The following BRPF3 variants were observed in gnomAD, a reference collection of about 807,000 sequenced individuals.
BRPF3 encodes bromodomain and PHD finger containing 3, also known as bromodomain and PHD finger-containing protein 3.
BRPF3 carries 18 observed loss-of-function variants against 102.0 expected under a neutral mutation model. The observed-to-expected ratio is 0.18, with a 90% CI of 0.12 to 0.26. BRPF3 has a LOEUF of 0.26. Ranked by LOEUF, BRPF3 falls within the 10% of genes least tolerant of loss-of-function variation. The pLI, the probability that BRPF3 is intolerant of heterozygous loss-of-function variation, is 1.00. For synonymous variants in BRPF3, 570 were observed against 614.2 expected (o/e 0.93, Z 1.06); for missense variants, 1,147 against 1,567.8 (o/e 0.73, Z 4.53).
At chr6:36,227,961 C>T (rs192705595) in intron 11 of BRPF3, among the ~76,000 whole-genome samples, 38 of 152,338 alleles carry the variant, frequency 2.5e-4, no homozygotes, top group African/African-American at 8.4e-4. Context: ...TGCTCTGTCT[C>T]TGGAGAAGGC....
chr6:36,202,531 A>T (rs769459846), intron 2 of BRPF3, among the ~76,000 whole-genome samples: 1 of 151,198 alleles, frequency 6.6e-6, no homozygotes, highest in Non-Finnish European at 1.5e-5. Flanking sequence ...AGCAAGAGAT[A>T]GGGAAGATTT....
chr6:36,226,370 A>G (rs1768739894), intron 11 of BRPF3, among the ~76,000 whole-genome samples: 1 of 152,010 alleles, frequency 6.6e-6, no homozygotes, highest in Non-Finnish European at 1.5e-5. Context: ...TTATTTCTGA[A>G]CTCTTTCTCA....
At chr6:36,202,414 C>G (rs538578522) in intron 2 of BRPF3, among the ~76,000 whole-genome samples, 101 of 140,756 alleles carry the variant, frequency 7.2e-4, no homozygotes, top group African/African-American at 2.2e-3. Flanking sequence ...CTGTGGACCC[C>G]CCCCCCCTCC....
Position 36,214,010 on chromosome 6 carries a change from C to T in BRPF3, c.2613C>T (p.Phe871=), listed in dbSNP as rs138252904. 3.1e-6 allele frequency: 5 copies of T among 1,614,044 alleles called. No homozygotes were observed. The African/African-American group carries it at 5.3e-5, about 17-fold the overall frequency. Residue 871 remains phenylalanine, a synonymous_variant, in exon 8 of 13, where the codon TTC becomes TTT. Transcript: ENST00000357641. The part of the protein sequence containing the change: ...PINDSKPPSR[F]LKPRKVEEDE... The stretch of plus-strand genomic sequence containing the variant: ...ATGATAGCAAACCTCCAAGCAGGTT[C>T]CTAAAGCCCAGAAAGGTGGAAGAAG...
intron 3 of BRPF3, among the ~76,000 whole-genome samples, chr6:36,205,619 T>G (rs545844654): frequency 1.3e-5 from 2 of 152,084 alleles, no homozygotes; most frequent in African/African-American, 4.8e-5. Flanking sequence ...TGGGCTGCAT[T>G]TGACACCACA....
intron 9 of BRPF3, among the ~76,000 whole-genome samples, chr6:36,219,612 G>A (rs552193495): frequency 7.0e-4 from 106 of 152,316 alleles, no homozygotes; most frequent in African/African-American, 2.3e-3. Flanking sequence ...TTCAGGTGGC[G>A]TGTTTGCCTT....
At chr6:36,216,545 T>C (rs1359517036) in intron 8 of BRPF3, among the ~76,000 whole-genome samples, 3 of 152,186 alleles carry the variant, frequency 2.0e-5, no homozygotes, top group East Asian at 1.9e-4. Flanking sequence ...GTGATTTAAA[T>C]TGTGGTCATA....
chr6:36,214,630 G>A (rs1384080265), intron 8 of BRPF3, among the ~76,000 whole-genome samples: 1 of 152,162 alleles, frequency 6.6e-6, no homozygotes, highest in African/African-American at 2.4e-5. Flanking sequence ...TGAGGGTAAT[G>A]CAATGTTGTA....
At chr6:36,228,759 G>A (rs1316869619) in intron 11 of BRPF3, 143 bp from the exon 12 acceptor site, 1 of 927,006 alleles carries the variant, frequency 1.1e-6, no homozygotes, top group Non-Finnish European at 1.6e-6. Context: ...GAAGGGGTTT[G>A]CCTGTCTGGT....
At chr6:36,227,038 C>CT (rs1412619212) in intron 11 of BRPF3, among the ~76,000 whole-genome samples, 1 of 152,214 alleles carries the variant, frequency 6.6e-6, no homozygotes, top group Non-Finnish European at 1.5e-5. Context: ...TAATTACCCT[C>CT]TTAATTATAC....
chr6:36,213,725 C>A, intron 7 of BRPF3, 155 bp from the exon 8 acceptor site: 1 of 778,856 alleles, frequency 1.3e-6, no homozygotes, highest in Non-Finnish European at 2.0e-6. Flanking sequence ...AAAACCTAAT[C>A]CTCCTTTCTC....
At chr6:36,228,875 A>AC in intron 11 of BRPF3, 27 bp from the exon 12 acceptor site, 1 of 1,612,882 alleles carries the variant, frequency 6.2e-7, no homozygotes, top group Non-Finnish European at 8.5e-7. Flanking sequence ...TCCCTCACTG[A>AC]GTGCCCATCT....
chr6:36,204,817 A>G lies in BRPF3; in HGVS notation c.1605+3A>G. On this transcript the variant is annotated splice_donor_region_variant and intron_variant, in intron 3 of 12. Transcript: ENST00000357641. ...AGTCCCAAAGAAACGCTGAGCAGGTAGGTGCAGTGGTGATTTGAGGCTGGT... is the reference window on the plus strand; with the variant it reads ...AGTCCCAAAGAAACGCTGAGCAGGTGGGTGCAGTGGTGATTTGAGGCTGGT... 1 of 1,613,462 alleles carries G rather than the reference A, an allele frequency of 6.2e-7. No individual in the cohort carries two copies. The highest frequency in any genetic ancestry group is 1.7e-4 in the Middle Eastern group (1 of 5,994).
At chr6:36,211,194 C>T in intron 6 of BRPF3, 64 bp from the exon 7 acceptor site, 2 of 1,514,468 alleles carry the variant, frequency 1.3e-6, no homozygotes, top group Non-Finnish European at 1.8e-6. Flanking sequence ...GGATTCGGCC[C>T]CTTTCTCTTG....
At position 36,210,080 on chromosome 6, in the gene BRPF3, T is replaced by C. The variant is rs2239798; in HGVS notation, c.1867-136T>C. The C allele has an allele frequency of 0.2, 284,191 of 1,395,458 alleles. 30,213 individuals carry two copies. Among genetic ancestry groups the C allele is most frequent in the African/African-American group, 0.29 (20,270 of 70,012 alleles). 86.4% of individuals were successfully genotyped at this position (1,395,458 alleles called of 1,614,324 possible). On this transcript the variant is annotated intron_variant, in intron 5 of 12. Transcript: ENST00000357641. This position sits in a 1 kb window ranked among gnomAD's most constrained non-coding sequence, Gnocchi z 4.7. ...TTGATGAGGGGTCAGCAGGCCAGGG[T>C]GGGCCAGGACTGTAGGTCTTTGAGT...
At chr6:36,199,266 A>G (rs1470424698) in intron 1 of BRPF3, among the ~76,000 whole-genome samples, 1 of 152,166 alleles carries the variant, frequency 6.6e-6, no homozygotes, top group African/African-American at 2.4e-5. Context: ...TGAACTGCGC[A>G]TGTGAGGGAT....
At position 36,211,562 on chromosome 6, in the gene BRPF3, T is replaced by TGA; in HGVS notation, c.2482+7_2482+8dup. On this transcript the variant is annotated splice_region_variant and intron_variant, in intron 7 of 12. Transcript: ENST00000357641. ...AGCCAGAAGACGATGGGGACAGAGG[T>TGA]GAGAGATAGTCACAGGCAGGCAGGG... 8 of 1,550,068 alleles carry TGA rather than the reference T, an allele frequency of 5.2e-6. No individual in the cohort carries two copies. Among genetic ancestry groups the TGA allele is most frequent in the Non-Finnish European group, 7.0e-6 (8 of 1,145,504 alleles).
chr6:36,222,281 C>G lies in BRPF3; in HGVS notation c.3181+16C>G, dbSNP rs115842532. ...AATGGCTCAGGTGAGGAGCAGTGTT[C>G]AGGCAGAACTGAGGGGGCCAGGCCT... On this transcript the variant is annotated intron_variant, in intron 10 of 12. Transcript: ENST00000357641. 1.8e-3 allele frequency: 2,760 copies of G among 1,548,398 alleles called. 45 individuals are homozygous for G. In the African/African-American group the frequency reaches 0.032, roughly 18 times the overall value.
At chr6:36,207,023 C>A (rs1767928920) in intron 3 of BRPF3, among the ~76,000 whole-genome samples, 1 of 152,170 alleles carries the variant, frequency 6.6e-6, no homozygotes, top group Non-Finnish European at 1.5e-5. Context: ...TTATGAAATT[C>A]TTTCTGACCC....
Sources: gnomAD v4.1 joint callset for allele counts (sites outside exome capture counted in the v4.1 genomes callset) on GRCh38, gnomAD v4.1.1 for gene constraint, Gnocchi (gnomAD v3.1) non-coding constraint, MANE v1.5 for transcripts, NCBI Gene and HGNC (gene_info 2026-07-23, HGNC 2026-07-21) for gene names.